SYCP1: variants seen among roughly 807,000 people sequenced by gnomAD.
SYCP1 encodes cancer/testis antigen 8.
A neutral mutation model predicts 153.1 loss-of-function variants in SYCP1; 64 were observed. That is an observed-to-expected ratio of 0.42 (90% CI 0.34 to 0.51). The LOEUF is 0.51. SYCP1 is among the 20% of genes least tolerant of loss of function. The pLI is 0.06. For synonymous variants in SYCP1, 384 were observed against 341.8 expected (o/e 1.12, Z -1.36); for missense variants, 997 against 1,049.0 (o/e 0.95, Z 0.68).
chr1:114,886,636 A>G (rs1432339042), intron 14 of SYCP1, among the ~76,000 whole-genome samples: 3 of 152,108 alleles, frequency 2.0e-5, no homozygotes, highest in Non-Finnish European at 4.4e-5. Flanking sequence ...TTAGCTTCCT[A>G]GAAGTAGCTT....
chr1:114,994,219 A>G (rs1674117167), intron 30 of SYCP1, among the ~76,000 whole-genome samples: 1 of 151,418 alleles, frequency 6.6e-6, no homozygotes, highest in African/African-American at 2.4e-5. Context: ...TCTGCTTTCA[A>G]TTCTACTGAG....
In SYCP1 at chr1:114,914,699, A is replaced by G. The variant is rs574087308; in HGVS notation, c.1718+654A>G. ...TTGACATCTTTCTGTTGGACAGTCC[A>G]CTTTTGCTTTCTAGGCTAAGTTCCA... On this transcript the variant is annotated intron_variant, in intron 20 of 31. Coordinates refer to ENST00000369522, the MANE Select transcript of SYCP1 (RefSeq NM_003176.4). Among the ~76,000 whole-genome samples the G allele has an allele frequency of 3.3e-5, 5 of 152,286 alleles. No individual in the cohort carries two copies. In the South Asian group the frequency reaches 1.0e-3, roughly 32 times the overall value.
chr1:114,882,210 A>AAACAAACC (rs1666001683), intron 12 of SYCP1, among the ~76,000 whole-genome samples: 1 of 151,850 alleles, frequency 6.6e-6, no homozygotes, highest in Non-Finnish European at 1.5e-5. Flanking sequence ...ACAAACAAAC[A>AAACAAACC]AACAAACCAA....
intron 27 of SYCP1, among the ~76,000 whole-genome samples, chr1:114,961,976 CTT>C (rs562251009): frequency 5.3e-4 from 66 of 124,386 alleles, no homozygotes; most frequent in African/African-American, 1.7e-3. Context: ...TGCCATCTAT[CTT>C]TTTTTTTTTT....
intron 28 of SYCP1, among the ~76,000 whole-genome samples, chr1:114,978,067 G>T (rs1672919600): frequency 6.6e-6 from 1 of 151,358 alleles, no homozygotes; most frequent in Non-Finnish European, 1.5e-5. Context: ...TGAACCAATT[G>T]AGAAAGACAA....
intron 27 of SYCP1, among the ~76,000 whole-genome samples, chr1:114,956,986 C>T (rs1318103472): frequency 6.6e-6 from 1 of 152,170 alleles, no homozygotes; most frequent in African/African-American, 2.4e-5. Context: ...AATAAGGTGC[C>T]AGAGACTGAC....
At chr1:114,930,145 G>T (rs925215694) in intron 23 of SYCP1, among the ~76,000 whole-genome samples, 1 of 151,970 alleles carries the variant, frequency 6.6e-6, no homozygotes, top group Non-Finnish European at 1.5e-5. Context: ...TAAACGGAAT[G>T]ATGAGATAGA....
At chr1:114,985,372 C>T (rs1258924399) in intron 30 of SYCP1, among the ~76,000 whole-genome samples, 1 of 151,962 alleles carries the variant, frequency 6.6e-6, no homozygotes, top group Non-Finnish European at 1.5e-5. Context: ...TTTAAGCAGG[C>T]TATTTCCTCT....
intron 8 of SYCP1, 145 bp from the exon 9 acceptor site, chr1:114,874,361 A>G (rs1156706443): frequency 1.1e-4 from 56 of 496,400 alleles, no homozygotes; most frequent in Non-Finnish European, 1.3e-4. Context: ...CAACTTAAAA[A>G]GACCCAGTAA....
chr1:114,886,211 A>G lies in SYCP1; in HGVS notation c.1092A>G (p.Glu364=), dbSNP rs1357556323. The G allele has an allele frequency of 6.2e-7, 1 of 1,612,340 alleles. No homozygotes were observed. Among genetic ancestry groups the G allele is most frequent in the Non-Finnish European group, 8.5e-7 (1 of 1,179,346 alleles). Reference sequence around the variant, plus strand: ...CTGAAGAAAAAGAAACTCAAATGGAAGAATCTAATAAAGCTAGAGCTGCTC... The same window carrying G: ...CTGAAGAAAAAGAAACTCAAATGGAGGAATCTAATAAAGCTAGAGCTGCTC... ...QLTEEKETQM[E]ESNKARAAHS... is the part of the protein sequence containing the mutation. The change falls in exon 14 of 32, where the codon GAA becomes GAG. Residue 364 remains glutamate, a synonymous_variant. Coordinates refer to ENST00000369522, the MANE Select transcript of SYCP1 (RefSeq NM_003176.4).
chr1:114,879,508 A>G (rs1274434762), intron 12 of SYCP1, among the ~76,000 whole-genome samples: 2 of 152,150 alleles, frequency 1.3e-5, no homozygotes, highest in Non-Finnish European at 2.9e-5. Flanking sequence ...TGTTGGCTAA[A>G]TTCTTAGTAA....
intron 23 of SYCP1, among the ~76,000 whole-genome samples, chr1:114,939,456 C>G (rs182833310): frequency 7.0e-4 from 106 of 152,226 alleles, no homozygotes; most frequent in Admixed American, 2.4e-3. Flanking sequence ...TGGAATACTA[C>G]TCAGAAGTAA....
At chr1:114,969,772 G>T (rs781419930) in intron 27 of SYCP1, among the ~76,000 whole-genome samples, 2 of 152,130 alleles carry the variant, frequency 1.3e-5, no homozygotes, top group South Asian at 4.1e-4. Context: ...GGCCCTGGTT[G>T]TGTAGGCACC....
chr1:114,879,213 A>T (rs1010858019), intron 12 of SYCP1, among the ~76,000 whole-genome samples: 1 of 152,200 alleles, frequency 6.6e-6, no homozygotes, highest in Admixed American at 6.5e-5. Context: ...TAGAAGGCAT[A>T]GTGTTTGTGA....
chr1:114,967,619 T>A (rs1023334054), intron 27 of SYCP1, among the ~76,000 whole-genome samples: 1 of 152,194 alleles, frequency 6.6e-6, no homozygotes, highest in South Asian at 2.1e-4. Context: ...CACCGATGGG[T>A]CTTGACTCTT....
intron 7 of SYCP1, among the ~76,000 whole-genome samples, chr1:114,860,108 G>C (rs1466754275): frequency 6.6e-6 from 1 of 152,116 alleles, no homozygotes; most frequent in African/African-American, 2.4e-5. Context: ...TATGTTGTCT[G>C]TTTCACTGCT....
intron 27 of SYCP1, among the ~76,000 whole-genome samples, chr1:114,950,550 A>G (rs1037918047): frequency 2.0e-5 from 3 of 152,134 alleles, no homozygotes; most frequent in Admixed American, 6.6e-5. Flanking sequence ...AACTTTCTAT[A>G]TACTGAGATT....
At chr1:114,884,325 T>A (rs1666155521) in intron 12 of SYCP1, among the ~76,000 whole-genome samples, 1 of 152,224 alleles carries the variant, frequency 6.6e-6, no homozygotes, top group African/African-American at 2.4e-5. Context: ...GTATGTGCTC[T>A]TACACTTGCC....
chr1:114,928,627 A>G (rs1287530371), intron 23 of SYCP1, among the ~76,000 whole-genome samples: 3 of 152,200 alleles, frequency 2.0e-5, no homozygotes, highest in South Asian at 2.1e-4. Flanking sequence ...AACGGTATAT[A>G]TGGCTGCTTA....
Sources: gnomAD v4.1 joint callset for allele counts (sites outside exome capture counted in the v4.1 genomes callset) on GRCh38, gnomAD v4.1.1 for gene constraint, MANE v1.5 for transcripts, NCBI Gene and HGNC (gene_info 2026-07-23, HGNC 2026-07-21) for gene names.